Variants in UBE3C observed in about 807,000 individuals in gnomAD.
The protein encoded by UBE3C is ubiquitin protein ligase E3C.
In UBE3C, 42 loss-of-function variants were observed where a neutral mutation model predicts 129.4. The ratio of observed to expected loss-of-function variants is 0.32; its 90% CI spans 0.25 to 0.42. The LOEUF is 0.42. Among genes scored for constraint, UBE3C ranks in the 10% least tolerant of loss-of-function variants. The pLI is 1.00. For missense variants in UBE3C, 1,049 were observed against 1,319.1 expected, an observed-to-expected ratio of 0.80 and a Z score of 3.17; for synonymous variants, 510 against 492.4, an observed-to-expected ratio of 1.04 and a Z score of -0.47.
chr7:157,157,985 T>TAGAG lies in UBE3C; in HGVS notation c.67-5824_67-5823insGAGA, dbSNP rs1284658404. Among the ~76,000 whole-genome samples, 24 of 134,690 alleles carry TAGAG rather than the reference T, an allele frequency of 1.8e-4. No individual in the cohort carries two copies. The South Asian group carries it at 3.5e-3, about 20-fold the overall frequency. The allele number at this position is 134,690 out of a possible 152,430, so 88.4% of individuals were successfully genotyped here. ...ACAGATATATATAGATATATATATA[T>TAGAG]ATAGAGAGAGAGAGAGAGAGATACA... is the stretch of plus-strand genomic sequence containing the variant. On this transcript the variant is annotated intron_variant, in intron 1 of 22. Coordinates refer to ENST00000348165, the MANE Select transcript of UBE3C (RefSeq NM_014671.3).
intron 4 of UBE3C, among the ~76,000 whole-genome samples, chr7:157,173,207 TA>T (rs1404169932): frequency 3.9e-5 from 6 of 152,078 alleles, no homozygotes; most frequent in Admixed American, 6.6e-5. Context: ...ACCCCACCTG[TA>T]AAACAAAGCA....
In UBE3C at chr7:157,220,683, C is replaced by G. The variant is rs778699021; in HGVS notation, c.1915-6C>G. The G allele has an allele frequency of 6.2e-7, 1 of 1,613,958 alleles. No individual in the cohort carries two copies. Reference sequence around the variant, plus strand: ...GGGAGTTCTGAACCAGGATTGCCCCCGACAGGTCACTCAGCTCTATGTGCC... The same window carrying G: ...GGGAGTTCTGAACCAGGATTGCCCCGGACAGGTCACTCAGCTCTATGTGCC... On this transcript the variant is annotated splice_polypyrimidine_tract_variant and splice_region_variant and intron_variant, in intron 14 of 22. Coordinates refer to ENST00000348165, the MANE Select transcript of UBE3C (RefSeq NM_014671.3).
intron 1 of UBE3C, among the ~76,000 whole-genome samples, chr7:157,142,730 C>A (rs888532860): frequency 6.6e-5 from 10 of 152,134 alleles, no homozygotes; most frequent in African/African-American, 2.4e-4. Flanking sequence ...TGGGAAGCTA[C>A]CTGTTGGTAA....
At chr7:157,216,771 C>A in intron 13 of UBE3C, 96 bp from the exon 14 acceptor site, 1 of 955,806 alleles carries the variant, frequency 1.0e-6, no homozygotes, top group Non-Finnish European at 1.6e-6. Flanking sequence ...GTTCCTGCAC[C>A]ACCGCTGTGT....
intron 11 of UBE3C, among the ~76,000 whole-genome samples, chr7:157,205,709 T>G (rs1809414612): frequency 6.6e-6 from 1 of 152,258 alleles, no homozygotes; most frequent in African/African-American, 2.4e-5. Context: ...GATGAATCTG[T>G]TCAGCATAGT....
At chr7:157,162,046 G>A (rs1025007053) in intron 1 of UBE3C, among the ~76,000 whole-genome samples, 1 of 151,914 alleles carries the variant, frequency 6.6e-6, no homozygotes, top group African/African-American at 2.4e-5. Flanking sequence ...CCAGCCCTGG[G>A]TGACAGAGCA....
chr7:157,167,848 C>T (rs1410692614), intron 2 of UBE3C, among the ~76,000 whole-genome samples: 4 of 152,092 alleles, frequency 2.6e-5, no homozygotes, highest in East Asian at 1.9e-4. Flanking sequence ...AAGTGCCTCT[C>T]ATAGGGCTGG....
At chr7:157,231,461 ACTGC>A (rs1796019783) in intron 18 of UBE3C, 134 bp downstream of exon 18, 8 of 1,316,150 alleles carry the variant, frequency 6.1e-6, no homozygotes, top group Non-Finnish European at 8.3e-6. Flanking sequence ...TTGCAAAAGC[ACTGC>A]ACGAAACAAA....
At chr7:157,238,098 T>A (rs1267164816) in intron 18 of UBE3C, among the ~76,000 whole-genome samples, 4 of 152,186 alleles carry the variant, frequency 2.6e-5, no homozygotes, top group African/African-American at 9.7e-5. Context: ...CATTTAAATA[T>A]TCAATTTAAT....
intron 22 of UBE3C, among the ~76,000 whole-genome samples, chr7:157,266,594 A>G (rs535625332): frequency 2.0e-5 from 3 of 152,344 alleles, no homozygotes; most frequent in Non-Finnish European, 4.4e-5. Context: ...ATGTGCTTCT[A>G]AAACAGCCGT....
intron 13 of UBE3C, among the ~76,000 whole-genome samples, chr7:157,210,475 T>TAA (rs1809560680): frequency 6.6e-6 from 1 of 152,206 alleles, no homozygotes; most frequent in African/African-American, 2.4e-5. Flanking sequence ...CCTCTGTAGT[T>TAA]AACTGTGTTT....
chr7:157,248,621 G>A (rs769826335), intron 19 of UBE3C, 41 bp downstream of exon 19: 1 of 1,592,804 alleles, frequency 6.3e-7, no homozygotes, highest in African/African-American at 1.3e-5. Context: ...TGTATAGCAA[G>A]TAGCAGCATC....
At position 157,178,718 on chromosome 7, in the gene UBE3C, T is replaced by A. The variant is rs1808589532; in HGVS notation, c.487T>A (p.Leu163Met). The A allele has an allele frequency of 3.7e-6, 6 of 1,614,168 alleles. No homozygotes were observed. In the East Asian group the frequency reaches 1.3e-4, roughly 36 times the overall value. The change falls in exon 6 of 23, where the codon TTG (leucine) becomes ATG (methionine). Residue 163 changes from leucine to methionine, a missense_variant. Around this residue, in one of 4 missense-constraint regions of UBE3C, gnomAD observed 489 missense variants for 513.8 expected, o/e 0.95. Transcript: ENST00000348165. ...RLLQNCNDDSLNVALPMRMLE... is the reference protein window; with the variant it reads ...RLLQNCNDDSMNVALPMRMLE... The stretch of plus-strand genomic sequence containing the variant: ...GCTGCAAAACTGTAATGATGACAGT[T>A]TGAATGTTGCACTTCCAATGAGAAT...
chr7:157,147,552 T>C lies in UBE3C; in HGVS notation c.66+8214T>C, dbSNP rs143985915. 4.3e-3 allele frequency among the ~76,000 whole-genome samples: 650 copies of C among 152,208 alleles called. 3 individuals are homozygous for C. The highest frequency in any genetic ancestry group is 7.0e-3 in the Non-Finnish European group (476 of 68,010). ...CTTTTCTAAGACCATCAGAAAGCAA[T>C]GTGTTTTATTGTCTTACTGCATTAG... On this transcript the variant is annotated intron_variant, in intron 1 of 22. Transcript: ENST00000348165.
At chr7:157,241,227 A>G (rs1796311436) in intron 18 of UBE3C, among the ~76,000 whole-genome samples, 1 of 152,216 alleles carries the variant, frequency 6.6e-6, no homozygotes, top group African/African-American at 2.4e-5. Context: ...ATAGTCAGGA[A>G]AAAATCCCGT....
Position 157,152,927 on chromosome 7 carries a change from G to GC in UBE3C, c.67-10883_67-10882insC, listed in dbSNP as rs547141877. Among the ~76,000 whole-genome samples, 65 of 152,308 alleles carry GC rather than the reference G, an allele frequency of 4.3e-4. 1 individual carries two copies. The East Asian group carries it at 0.01, about 23-fold the overall frequency. ...TGTTTAATTTTTTGCCAGGTGTGGT[G>GC]ATGCACGCCTGTAATCCTAGCACTT... On this transcript the variant is annotated intron_variant, in intron 1 of 22. Coordinates refer to ENST00000348165, the MANE Select transcript of UBE3C (RefSeq NM_014671.3).
chr7:157,203,339 T>G (rs1405210128), intron 11 of UBE3C, among the ~76,000 whole-genome samples: 1 of 152,240 alleles, frequency 6.6e-6, no homozygotes, highest in East Asian at 1.9e-4. Flanking sequence ...AATGATTTAC[T>G]GTCTTGAGAA....
In UBE3C at chr7:157,139,291, G is replaced by T; in HGVS notation, c.19G>T (p.Asp7Tyr). The T allele has an allele frequency of 6.3e-7, 1 of 1,582,364 alleles. No homozygotes were observed. Reference protein sequence around the residue: MFSFEGDFKTRPKVSLG... With the variant: MFSFEGYFKTRPKVSLG... ...TGCCAGGATGTTCAGCTTCGAAGGCGACTTCAAGACGCGGCCCAAGGTGTC... is the reference window on the plus strand; with the variant it reads ...TGCCAGGATGTTCAGCTTCGAAGGCTACTTCAAGACGCGGCCCAAGGTGTC... Residue 7 changes from aspartate (D) to tyrosine (Y), a missense_variant, in exon 1 of 23, where the codon GAC becomes TAC. Transcript: ENST00000348165.
chr7:157,205,431 T>C (rs1809405508), intron 11 of UBE3C, among the ~76,000 whole-genome samples: 2 of 152,248 alleles, frequency 1.3e-5, no homozygotes, highest in South Asian at 4.1e-4. Context: ...TTGTCAGGGA[T>C]AACAGTACAA....
Sources: allele counts gnomAD v4.1 joint callset (sites outside exome capture counted in the v4.1 genomes callset), GRCh38; gene constraint gnomAD v4.1.1; regional missense constraint gnomAD v4.1.1; transcripts MANE v1.5; gene names NCBI Gene and HGNC (gene_info 2026-07-23, HGNC 2026-07-21).